Variants in ERO1A observed in about 807,000 individuals in gnomAD.
ERO1A encodes the protein endoplasmic reticulum oxidoreductase 1 alpha.
In ERO1A, 49 loss-of-function variants were observed where a neutral mutation model predicts 76.9. That is an observed-to-expected ratio of 0.64 (90% confidence interval 0.51 to 0.81). ERO1A has a LOEUF of 0.81. Among genes scored for constraint, ERO1A ranks in the 30% least tolerant of loss-of-function variants. ERO1A has a pLI of 0.00. For missense variants in ERO1A, 448 were observed against 542.1 expected, an observed-to-expected ratio of 0.83 and a Z score of 1.72; for synonymous variants, 174 against 181.2, an observed-to-expected ratio of 0.96 and a Z score of 0.32.
chr14:52,670,430 A>G (rs1348486163), intron 6 of ERO1A, among the ~76,000 whole-genome samples: 1 of 152,206 alleles, frequency 6.6e-6, no homozygotes, highest in African/African-American at 2.4e-5. Context: ...ACCAGGTTGG[A>G]GTGCAATGGC....
chr14:52,671,896 GATA>G, intron 4 of ERO1A, 25 bp from the exon 5 acceptor site: 1 of 1,391,046 alleles, frequency 7.2e-7, no homozygotes, highest in South Asian at 1.3e-5. Flanking sequence ...GGAATAAATA[GATA>G]ATAACTTATT....
At position 52,650,037 on chromosome 14, in the gene ERO1A, T is replaced by G. The variant is rs1424056494; in HGVS notation, c.1125+2202A>C. 1.3e-5 allele frequency among the ~76,000 whole-genome samples: 2 copies of G among 151,962 alleles called. 1 individual carries two copies. Among genetic ancestry groups the G allele is most frequent in the East Asian group, 3.9e-4 (2 of 5,184 alleles). On this transcript the variant is annotated intron_variant, in intron 13 of 15. Transcript: ENST00000395686. ...TTCAAGACCAGCCTGGGCAACATAG[T>G]GAGACCCCAACTCAACAAAAAAATT...
rs761709862 is a variant in ERO1A, at chr14:52,682,424, A to G, written c.235-16T>C. On this transcript the variant is annotated splice_polypyrimidine_tract_variant and intron_variant, in intron 2 of 15. Coordinates refer to ENST00000395686, the MANE Select transcript of ERO1A (RefSeq NM_014584.3). ...TCAGGTTTACCTGTAAAATAATAAT[A>G]GAAAAAAAATTATAAAAATCAGAAT... The G allele has an allele frequency of 5.8e-6, 9 of 1,554,786 alleles. No homozygotes were observed. In the South Asian group the frequency reaches 1.1e-4, roughly 18 times the overall value.
intron 3 of ERO1A, among the ~76,000 whole-genome samples, chr14:52,680,082 C>CAAAAAAAAAAAAAAAAAAAAAA (rs35358193): frequency 4.4e-5 from 4 of 90,932 alleles, no homozygotes; most frequent in African/African-American, 8.2e-5. Context: ...AAAACACAAA[C>CAAAAAAAAAAAAAAAAAAAAAA]AAAAAAAAAA....
chr14:52,695,055 C>T (rs1210533285), intron 1 of ERO1A, among the ~76,000 whole-genome samples: 3 of 152,170 alleles, frequency 2.0e-5, no homozygotes, highest in Non-Finnish European at 4.4e-5. Flanking sequence ...ACTGGCAGGG[C>T]ATTATACACT....
intron 1 of ERO1A, among the ~76,000 whole-genome samples, chr14:52,684,413 G>A (rs77998325): frequency 0.02 from 3,060 of 152,162 alleles, 109 homozygotes; most frequent in African/African-American, 0.069. Flanking sequence ...GATTGTCCTC[G>A]GAATTCTTGG....
chr14:52,670,432 T>G (rs2040560628), intron 6 of ERO1A, among the ~76,000 whole-genome samples: 1 of 152,218 alleles, frequency 6.6e-6, no homozygotes, highest in African/African-American at 2.4e-5. Context: ...CAGGTTGGAG[T>G]GCAATGGCAC....
At chr14:52,668,065 TAGC>T (rs1566641115) in intron 6 of ERO1A, among the ~76,000 whole-genome samples, 2 of 151,894 alleles carry the variant, frequency 1.3e-5, no homozygotes, top group Admixed American at 6.6e-5. Context: ...CATCTTAAAA[TAGC>T]AGAGTTCAAT....
chr14:52,688,634 G>A (rs529169087), intron 1 of ERO1A, among the ~76,000 whole-genome samples: 9 of 152,204 alleles, frequency 5.9e-5, no homozygotes, highest in African/African-American at 1.4e-4. Flanking sequence ...AAATACAGCC[G>A]AATTTGCAGC....
At chr14:52,664,913 G>A (rs538408723) in intron 7 of ERO1A, among the ~76,000 whole-genome samples, 3 of 151,992 alleles carry the variant, frequency 2.0e-5, no homozygotes, top group African/African-American at 7.2e-5. Context: ...GGATGGTCTC[G>A]ATCTCCTGAC....
chr14:52,646,453 A>G lies in ERO1A; in HGVS notation c.1134T>C (p.Phe378=). ...TTGAAATATTTCTAAAATGCAGTCGAAAGTCCTCCTGAAAACAATTTAACA... is the reference window on the plus strand; with the variant it reads ...TTGAAATATTTCTAAAATGCAGTCGGAAGTCCTCCTGAAAACAATTTAACA... ...KKEAHKLKED[F]RLHFRNISRI... is the part of the protein sequence containing the mutation. Residue 378 remains phenylalanine, a synonymous_variant, in exon 14 of 16, where the codon TTT becomes TTC. Transcript: ENST00000395686. 6.2e-7 allele frequency: 1 copy of G among 1,607,736 alleles called. No individual in the cohort carries two copies. The highest frequency in any genetic ancestry group is 8.5e-7 in the Non-Finnish European group (1 of 1,177,484).
rs1237983161 is a variant in ERO1A, at chr14:52,695,469, AGCCGCGGCCCATT to A, written c.-1_12del. 6.5e-7 allele frequency: 1 copy of A among 1,529,524 alleles called. No individual in the cohort carries two copies. Among genetic ancestry groups the A allele is most frequent in the Non-Finnish European group, 8.8e-7 (1 of 1,136,894 alleles). The allele number at this position is 1,529,524 out of a possible 1,614,324, so 94.7% of individuals were successfully genotyped here. On this transcript the variant is annotated start_lost and 5_prime_UTR_variant, in exon 1 of 16. Transcript: ENST00000395686. The stretch of plus-strand genomic sequence containing the variant: ...CCCAGGAGGCCAAACAAGAATCCCC[AGCCGCGGCCCATT>A]GCAGCTCCGGCAGCTTGTCGCCCCA...
intron 6 of ERO1A, among the ~76,000 whole-genome samples, chr14:52,671,054 A>C (rs1178021142): frequency 1.3e-5 from 2 of 152,152 alleles, no homozygotes; most frequent in African/African-American, 4.8e-5. Flanking sequence ...GTCTCCATGA[A>C]TTTGCCCATT....
chr14:52,661,405 T>C, intron 8 of ERO1A, 101 bp from the exon 9 acceptor site: 1 of 917,048 alleles, frequency 1.1e-6, no homozygotes, highest in Non-Finnish European at 1.6e-6. Flanking sequence ...ATGGTTAGTT[T>C]TAGTCCAACA....
At chr14:52,694,701 T>C (rs1318678781) in intron 1 of ERO1A, among the ~76,000 whole-genome samples, 1 of 152,094 alleles carries the variant, frequency 6.6e-6, no homozygotes, top group Non-Finnish European at 1.5e-5. Context: ...ATGATCATAA[T>C]CCGCTTGTAA....
intron 1 of ERO1A, among the ~76,000 whole-genome samples, chr14:52,686,870 A>G (rs1416763275): frequency 6.6e-6 from 1 of 150,978 alleles, no homozygotes; most frequent in Non-Finnish European, 1.5e-5. Context: ...GCGAGACTCC[A>G]TCTCAAAAAA....
At chr14:52,646,512 G>A (rs772381008) in intron 13 of ERO1A, 51 bp from the exon 14 acceptor site, 27 of 1,427,126 alleles carry the variant, frequency 1.9e-5, no homozygotes, top group Non-Finnish European at 2.4e-5. Context: ...CAGTCAATTA[G>A]TAAGTATTTT....
chr14:52,684,118 G>GACACACAC (rs60355765), intron 1 of ERO1A, among the ~76,000 whole-genome samples: 6,750 of 134,488 alleles, frequency 0.05, 201 homozygotes, highest in African/African-American at 0.063. Flanking sequence ...CAGAGCTCAT[G>GACACACAC]ACACACACAC....
At chr14:52,681,833 C>T (rs1297547552) in intron 3 of ERO1A, among the ~76,000 whole-genome samples, 1 of 151,776 alleles carries the variant, frequency 6.6e-6, no homozygotes. Context: ...GTTTATACTT[C>T]GATTAATTTC....
Sources: allele counts gnomAD v4.1 joint callset (sites outside exome capture counted in the v4.1 genomes callset), GRCh38; gene constraint gnomAD v4.1.1; transcripts MANE v1.5; gene names NCBI Gene and HGNC (gene_info 2026-07-23, HGNC 2026-07-21).